Variants in CCDC142 observed in about 807,000 individuals in gnomAD.
The protein encoded by CCDC142 is coiled-coil domain-containing protein 142.
Under a neutral mutation model 83.8 loss-of-function variants are expected in CCDC142, and 67 were observed. The observed-to-expected ratio is 0.80, with a 90% confidence interval of 0.66 to 0.98. The LOEUF (loss-of-function observed/expected upper bound fraction) is 0.98, where lower values mean the gene tolerates loss of function less well. Ranked by LOEUF, CCDC142 falls within the 50% of genes least tolerant of loss-of-function variation. The probability of loss-of-function intolerance (pLI) is 0.00; values close to 1 mark genes in which losing one functional copy is unlikely to be tolerated. For missense variants in CCDC142, 905 were observed against 946.8 expected (o/e 0.96, Z 0.58); for synonymous variants, 421 against 421.2 (o/e 1.00, Z 0.01).
chr2:74,479,278 A>G lies in CCDC142; in HGVS notation c.1503+1491T>C, dbSNP rs1672393637. Among the ~76,000 whole-genome samples the G allele has an allele frequency of 3.3e-5, 5 of 152,288 alleles. No individual in the cohort carries two copies. The South Asian group carries it at 1.0e-3, about 32-fold the overall frequency. On this transcript the variant is annotated intron_variant, in intron 5 of 8. Coordinates refer to ENST00000393965, the MANE Select transcript of CCDC142 (RefSeq NM_001365575.2). ...ACACTGTGGGTAAGCAGGAATACTG[A>G]GAGAAAAGCAGAGAGTTAAGGACTG...
chr2:74,475,905 G>T (rs1672313286), intron 5 of CCDC142, among the ~76,000 whole-genome samples, 179 bp from the exon 6 acceptor site: 7 of 152,058 alleles, frequency 4.6e-5, no homozygotes, highest in African/African-American at 1.7e-4. Context: ...CAAGAGGTCT[G>T]GACCCAAATT....
chr2:74,479,933 G>A (rs540253490), intron 5 of CCDC142, among the ~76,000 whole-genome samples: 17 of 152,234 alleles, frequency 1.1e-4, no homozygotes, highest in African/African-American at 3.9e-4. Context: ...CCGATAACTG[G>A]TAAGTAAAGA....
Position 74,482,441 on chromosome 2 carries a change from C to G in CCDC142, c.397G>C (p.Gly133Arg), listed in dbSNP as rs1312767138. 1.9e-6 allele frequency: 3 copies of G among 1,553,272 alleles called. No individual in the cohort carries two copies. The highest frequency in any genetic ancestry group is 2.6e-6 in the Non-Finnish European group (3 of 1,148,100). ...CACCACTGGGGCAAGGGGCTAGGGC[C>G]GCCGGATGGCGAGCCAGGACTCAGG... ...KTLSPGSPSG[G>R]PSPLPQWCRD... is the part of the protein sequence containing the mutation. Residue 133 changes from glycine to arginine, a missense_variant, in exon 1 of 9, where the codon GGC (glycine) becomes CGC (arginine). Gly to Arg is a moderately radical substitution (Grantham distance 125). This residue lies in a region of CCDC142 where 591 missense variants were observed against 571.4 expected (regional missense o/e 1.03). Coordinates refer to ENST00000393965, the MANE Select transcript of CCDC142 (RefSeq NM_001365575.2). The surrounding 1 kb of genome is among the most constrained non-coding windows in gnomAD (Gnocchi z 5.0).
At position 74,481,291 on chromosome 2, in the gene CCDC142, T is replaced by G; in HGVS notation, c.1190A>C (p.Gln397Pro). The G allele has an allele frequency of 6.2e-7, 1 of 1,614,158 alleles. No homozygotes were observed. Among genetic ancestry groups the G allele is most frequent in the Non-Finnish European group, 8.5e-7 (1 of 1,180,036 alleles). The stretch of plus-strand genomic sequence containing the variant: ...GGCATCCAAGAGAGGAGGAAAGAGC[T>G]GCTGCAAAAGTTCAGCAGTGCCAGA... ...TSSGTAELLQ[Q>P]LFPPLLDALR... The change falls in exon 3 of 9, where the codon CAG (glutamine) becomes CCG (proline). Residue 397 changes from glutamine to proline, a missense_variant. Physicochemically the swap from Gln to Pro is moderately conservative, Grantham distance 76 (BLOSUM62 -1). This residue lies in a region of CCDC142 where 591 missense variants were observed against 571.4 expected (regional missense o/e 1.03). Coordinates refer to ENST00000393965, the MANE Select transcript of CCDC142 (RefSeq NM_001365575.2).
At chr2:74,478,033 AATATAT>A (rs903591786) in intron 5 of CCDC142, among the ~76,000 whole-genome samples, 2 of 147,496 alleles carry the variant, frequency 1.4e-5, no homozygotes, top group Non-Finnish European at 3.0e-5. Context: ...ATATAAATAA[AATATAT>A]ATAGATATAA....
At chr2:74,475,790 A>G (rs1672310006) in intron 5 of CCDC142, 64 bp from the exon 6 acceptor site, 1 of 1,008,284 alleles carries the variant, frequency 9.9e-7, no homozygotes, top group African/African-American at 1.6e-5. Context: ...ATATCTAAGG[A>G]GCTCTATGTC....
At chr2:74,476,044 A>AACACACACACACACACACAC (rs58719599) in intron 5 of CCDC142, among the ~76,000 whole-genome samples, 1 of 97,652 alleles carries the variant, frequency 1.0e-5, no homozygotes, top group African/African-American at 4.1e-5. Context: ...CCACCCCCGC[A>AACACACACACACACACACAC]ACACACACAC....
rs1232609558 is a variant in CCDC142, at chr2:74,475,058, T to C, written c.1854A>G (p.Glu618=). 2 of 1,613,712 alleles carry C rather than the reference T, an allele frequency of 1.2e-6. No homozygotes were observed. Among genetic ancestry groups the C allele is most frequent in the Non-Finnish European group, 1.7e-6 (2 of 1,179,850 alleles). The part of the protein sequence containing the change: ...QDFGVVRELL[E]EEQWSLSPDL... ...CAGGGGACAGGCTCCACTGCTCCTC[T>C]TCCAGCAACTCCCTGACCACTCCAA... is the stretch of plus-strand genomic sequence containing the variant. The change falls in exon 8 of 9, where the codon GAA becomes GAG. Residue 618 remains glutamate (E), a synonymous_variant. Coordinates refer to ENST00000393965, the MANE Select transcript of CCDC142 (RefSeq NM_001365575.2).
At chr2:74,478,331 G>T (rs575023090) in intron 5 of CCDC142, among the ~76,000 whole-genome samples, 1 of 150,368 alleles carries the variant, frequency 6.7e-6, no homozygotes, top group East Asian at 2.0e-4. Flanking sequence ...CAAAGTGCTG[G>T]GATTACAGGT....
intron 5 of CCDC142, among the ~76,000 whole-genome samples, chr2:74,476,220 T>G (rs1672322391): frequency 6.6e-6 from 1 of 152,142 alleles, no homozygotes; most frequent in South Asian, 2.1e-4. Context: ...TCGCCCAGAC[T>G]GGAGTGCAGT....
intron 5 of CCDC142, among the ~76,000 whole-genome samples, chr2:74,478,880 G>A (rs1000739746): frequency 6.6e-6 from 1 of 151,882 alleles, no homozygotes; most frequent in African/African-American, 2.4e-5. Flanking sequence ...ACAAAAACTA[G>A]CTGGGCGTGG....
At position 74,474,927 on chromosome 2, in the gene CCDC142, G is replaced by T; in HGVS notation, c.1985C>A (p.Pro662His). 6.3e-7 allele frequency: 1 copy of T among 1,594,904 alleles called. No homozygotes were observed. Among genetic ancestry groups the T allele is most frequent in the Non-Finnish European group, 8.6e-7 (1 of 1,169,578 alleles). Reference protein sequence around the residue: ...PLPKSQVHRRPPCCCACQEVQ... With the variant: ...PLPKSQVHRRHPCCCACQEVQ... ...GGGGAGTAACTCACAGCAACAGGGG[G>T]GCCTCCTGTGGACTTGAGACTTGGG... Residue 662 changes from proline (P) to histidine (H), a missense_variant, in exon 8 of 9, where the codon CCC becomes CAC. Coordinates refer to ENST00000393965, the MANE Select transcript of CCDC142 (RefSeq NM_001365575.2).
intron 5 of CCDC142, among the ~76,000 whole-genome samples, 166 bp from the exon 6 acceptor site, chr2:74,475,892 T>C (rs1256610637): frequency 2.0e-5 from 3 of 152,096 alleles, no homozygotes; most frequent in African/African-American, 7.2e-5. Flanking sequence ...TCATTGGGTT[T>C]TCCAAGAGGT....
In CCDC142 at chr2:74,480,732, G is replaced by A. The variant is rs759556268; in HGVS notation, c.1503+37C>T. The A allele has an allele frequency of 2.8e-6, 4 of 1,446,598 alleles. No homozygotes were observed. In the Admixed American group the frequency reaches 7.1e-5, roughly 26 times the overall value. The allele number at this position is 1,446,598 out of a possible 1,614,324, so 89.6% of individuals were successfully genotyped here. A position where few individuals can be genotyped will look rare whatever the true frequency, so the allele number is the denominator to read the frequency against. ...CCCCGATACTTGGCACAGAACATAG[G>A]GTCTTACACTGCCACTGTTGAGGCC... is the stretch of plus-strand genomic sequence containing the variant. On this transcript the variant is annotated intron_variant, in intron 5 of 8. Transcript: ENST00000393965.
rs1468643187 is a variant in CCDC142 at position 74,475,730 on chromosome 2, T to C, written c.1504-4A>G. ...TTAGTGACTCTTCAGGCAGGAGCTG[T>C]AGGGATAGGGAGAAAGTAAAAGGGG... On this transcript the variant is annotated splice_region_variant and splice_polypyrimidine_tract_variant and intron_variant, in intron 5 of 8. Transcript: ENST00000393965. 1.3e-6 allele frequency: 2 copies of C among 1,574,656 alleles called. No individual in the cohort carries two copies.
Position 74,481,986 on chromosome 2 carries a change from GC to G in CCDC142, c.851del (p.Gly284AlafsTer10). ...LLPGLLGLVG[G>X]VAGSASCGLG... is the part of the protein sequence containing the mutation. The stretch of plus-strand genomic sequence containing the variant: ...GTCCACAGCTGGCTGAACCCGCCAC[GC>G]CCCCGACCAGGCCCAGCAGCCCTGG... On this transcript the variant is annotated frameshift_variant, in exon 1 of 9. Coordinates refer to ENST00000393965, the MANE Select transcript of CCDC142 (RefSeq NM_001365575.2). LOFTEE classifies it high-confidence loss of function. 1 of 1,613,776 alleles carries G rather than the reference GC, an allele frequency of 6.2e-7. No individual in the cohort carries two copies. Among genetic ancestry groups the G allele is most frequent in the Non-Finnish European group, 8.5e-7 (1 of 1,179,980 alleles).
At chr2:74,474,882 C>T (rs1672283847) in intron 8 of CCDC142, 34 bp downstream of exon 8, 1 of 1,578,268 alleles carries the variant, frequency 6.3e-7, no homozygotes, top group African/African-American at 1.3e-5. Context: ...GGGTTTGGGA[C>T]ACACAAAGCA....
At position 74,474,433 on chromosome 2, in the gene CCDC142, G is replaced by A; in HGVS notation, c.*113C>T. 6 of 1,321,144 alleles carry A rather than the reference G, an allele frequency of 4.5e-6. No homozygotes were observed. In the South Asian group the frequency reaches 7.4e-5, roughly 16 times the overall value. The allele number at this position is 1,321,144 out of a possible 1,614,324, so 81.8% of individuals were successfully genotyped here. On this transcript the variant is annotated 3_prime_UTR_variant, in exon 9 of 9. Coordinates refer to ENST00000393965, the MANE Select transcript of CCDC142 (RefSeq NM_001365575.2). Reference sequence around the variant, plus strand: ...CTCTTTGTAGCTTATTCTCCAGTATGCTTTCCTCCAAGCTTCCAGTTCTGG... The same window carrying A: ...CTCTTTGTAGCTTATTCTCCAGTATACTTTCCTCCAAGCTTCCAGTTCTGG...
chr2:74,482,499 G>A lies in CCDC142; in HGVS notation c.339C>T (p.Tyr113=), dbSNP rs1039645605. 3.2e-6 allele frequency: 5 copies of A among 1,560,726 alleles called. No homozygotes were observed. Among genetic ancestry groups the A allele is most frequent in the Non-Finnish European group, 4.3e-6 (5 of 1,151,940 alleles). ...EQLLQARDCA[Y]HLQSAVRLMK... ...TGAGTCGCACAGCCGACTGTAGGTG[G>A]TAGGCGCAGTCTCGGGCCTGGAGGA... The change falls in exon 1 of 9, where the codon TAC becomes TAT. Residue 113 remains tyrosine (Y), a synonymous_variant. Coordinates refer to ENST00000393965, the MANE Select transcript of CCDC142 (RefSeq NM_001365575.2). The surrounding 1 kb of genome is among the most constrained non-coding windows in gnomAD (Gnocchi z 5.0).
Sources: gnomAD v4.1 joint callset for allele counts (sites outside exome capture counted in the v4.1 genomes callset) on GRCh38, gnomAD v4.1.1 for gene constraint, gnomAD v4.1.1 regional missense constraint, Gnocchi (gnomAD v3.1) non-coding constraint, MANE v1.5 for transcripts, NCBI Gene and HGNC (gene_info 2026-07-23, HGNC 2026-07-21) for gene names.